The following PHF2 variants were observed in gnomAD, a reference collection of about 807,000 sequenced individuals.
PHF2 encodes the protein lysine-specific demethylase PHF2.
Under a neutral mutation model 120.5 loss-of-function variants are expected in PHF2, and 27 were observed. That is an observed-to-expected ratio of 0.22 (90% CI 0.17 to 0.31). The LOEUF is 0.31. PHF2 is among the 10% of genes least tolerant of loss of function. The pLI is 1.00. For missense variants in PHF2, 1,024 were observed against 1,434.8 expected (o/e 0.71, Z 4.63); for synonymous variants, 568 against 592.5 (o/e 0.96, Z 0.60).
chr9:93,625,145 C>T (rs77671970), intron 1 of PHF2, among the ~76,000 whole-genome samples: 8 of 152,228 alleles, frequency 5.3e-5, no homozygotes, highest in Non-Finnish European at 8.8e-5. Flanking sequence ...TCCTCCCACC[C>T]TCTGGCACCA....
At chr9:93,609,670 T>C (rs1168426346) in intron 1 of PHF2, among the ~76,000 whole-genome samples, 1 of 152,056 alleles carries the variant, frequency 6.6e-6, no homozygotes. Flanking sequence ...AGGTAAGGTG[T>C]TTTTAGCCCA....
chr9:93,598,671 G>A (rs1825377463), intron 1 of PHF2, among the ~76,000 whole-genome samples: 1 of 152,158 alleles, frequency 6.6e-6, no homozygotes, highest in African/African-American at 2.4e-5. Flanking sequence ...CTGAGGAGGG[G>A]CATCCACGGG....
chr9:93,581,992 A>G (rs1471365511), intron 1 of PHF2, among the ~76,000 whole-genome samples: 1 of 152,136 alleles, frequency 6.6e-6, no homozygotes, highest in African/African-American at 2.4e-5. Flanking sequence ...TAAATAACAG[A>G]TGGGCCTGAT....
chr9:93,599,534 G>A (rs1825397030), intron 1 of PHF2, among the ~76,000 whole-genome samples: 1 of 152,228 alleles, frequency 6.6e-6, no homozygotes, highest in Non-Finnish European at 1.5e-5. Context: ...TAGAAAACAA[G>A]CCAAAGAGCA....
chr9:93,624,331 T>C (rs1304432551), intron 1 of PHF2, among the ~76,000 whole-genome samples: 2 of 150,314 alleles, frequency 1.3e-5, no homozygotes, highest in Admixed American at 1.3e-4. Flanking sequence ...TGATGGTGAT[T>C]GAGATGATAA....
intron 1 of PHF2, among the ~76,000 whole-genome samples, chr9:93,602,134 G>GAA (rs1825451047): frequency 1.3e-5 from 2 of 151,852 alleles, no homozygotes; most frequent in Non-Finnish European, 2.9e-5. Context: ...TCCAGTTCAC[G>GAA]AGTTCTCTGA....
intron 1 of PHF2, among the ~76,000 whole-genome samples, chr9:93,594,655 G>T (rs1825297688): frequency 6.6e-6 from 1 of 152,200 alleles, no homozygotes; most frequent in Non-Finnish European, 1.5e-5. Flanking sequence ...ACTGCTCCCA[G>T]TGACAGCATG....
At chr9:93,621,339 C>T (rs1180588047) in intron 1 of PHF2, among the ~76,000 whole-genome samples, 1 of 152,232 alleles carries the variant, frequency 6.6e-6, no homozygotes, top group Non-Finnish European at 1.5e-5. Flanking sequence ...AGGACCCTTC[C>T]ACCATGACCA....
intron 4 of PHF2, among the ~76,000 whole-genome samples, chr9:93,646,145 TGCCTGATTAGGG>T (rs1287045753): frequency 1.3e-5 from 2 of 152,224 alleles, no homozygotes; most frequent in African/African-American, 4.8e-5. Context: ...CCATCCTGGC[TGCCTGATTAGGG>T]GCCTGGCCTT....
chr9:93,596,125 C>T (rs1378557940), intron 1 of PHF2, among the ~76,000 whole-genome samples: 1 of 152,192 alleles, frequency 6.6e-6, no homozygotes, highest in Non-Finnish European at 1.5e-5. Context: ...GCATATGAGG[C>T]AGGCCGCATG....
chr9:93,630,004 A>G lies in PHF2; in HGVS notation c.133A>G (p.Ile45Val). The G allele has an allele frequency of 6.2e-7, 1 of 1,614,006 alleles. No homozygotes were observed. Among genetic ancestry groups the G allele is most frequent in the South Asian group, 1.1e-5 (1 of 91,064 alleles). ...VGVEEEEAPDIDIYHCPNCEK... is the reference protein window; with the variant it reads ...VGVEEEEAPDVDIYHCPNCEK... ...GGTGGAAGAGGAGGAGGCGCCCGAC[A>G]TCGACATATACCACTGCCCAAACTG... The change falls in exon 2 of 22, where the codon ATC becomes GTC. Residue 45 changes from isoleucine (I) to valine (V), a missense_variant. Ile to Val is a conservative substitution (Grantham distance 29, BLOSUM62 3). Coordinates refer to ENST00000359246, the MANE Select transcript of PHF2 (RefSeq NM_005392.4).
At chr9:93,584,957 A>G (rs1452723815) in intron 1 of PHF2, among the ~76,000 whole-genome samples, 1 of 152,216 alleles carries the variant, frequency 6.6e-6, no homozygotes, top group African/African-American at 2.4e-5. Context: ...CGACTCAGTT[A>G]CATTTATTCC....
rs376638559 is a variant in PHF2 at position 93,655,925 on chromosome 9, C to T, written c.953-9C>T. 1.2e-6 allele frequency: 2 copies of T among 1,608,292 alleles called. No homozygotes were observed. The highest frequency in any genetic ancestry group is 1.7e-5 in the Admixed American group (1 of 59,798). ...GGTGGGGCACCAGCCACTCCTGTCT[C>T]TCTCCCAGGCTGGATCTACGCCACA... On this transcript the variant is annotated splice_polypyrimidine_tract_variant and intron_variant, in intron 7 of 21. Coordinates refer to ENST00000359246, the MANE Select transcript of PHF2 (RefSeq NM_005392.4).
chr9:93,660,219 G>A lies in PHF2; in HGVS notation c.1357G>A (p.Val453Met), dbSNP rs774568259. Reference protein sequence around the residue: ...ENASKAVRPEVNTVASSDEVC... With the variant: ...ENASKAVRPEMNTVASSDEVC... ...TGCCTCCAAAGCCGTCCGACCGGAA[G>A]TGAATACTGTCGCCTCGTCAGATGA... Residue 453 changes from valine (V) to methionine (M), a missense_variant, in exon 12 of 22, where the codon GTG (valine) becomes ATG (methionine). Val to Met is a conservative substitution (Grantham distance 21, BLOSUM62 1). Around this residue, in one of 2 missense-constraint regions of PHF2, gnomAD observed 677 missense variants for 857.4 expected, o/e 0.79. Transcript: ENST00000359246. The A allele has an allele frequency of 6.9e-6, 11 of 1,584,486 alleles. No homozygotes were observed. Among genetic ancestry groups the A allele is most frequent in the East Asian group, 4.5e-5 (2 of 44,630 alleles).
At chr9:93,669,219 A>G (rs1045154464) in intron 17 of PHF2, among the ~76,000 whole-genome samples, 2 of 152,194 alleles carry the variant, frequency 1.3e-5, no homozygotes, top group Non-Finnish European at 2.9e-5. Flanking sequence ...GGCTAAGTGC[A>G]GGCCCCCGCC....
At position 93,649,053 on chromosome 9, in the gene PHF2, C is replaced by T; in HGVS notation, c.461-18C>T. ...CCGCCTTCCCAGGGTGCTCAAGCTC[C>T]TCCCACCACCTCCCTAGGGCCGGAA... On this transcript the variant is annotated intron_variant, in intron 4 of 21. Transcript: ENST00000359246. 2 of 1,550,778 alleles carry T rather than the reference C, an allele frequency of 1.3e-6. No homozygotes were observed. Among genetic ancestry groups the T allele is most frequent in the Non-Finnish European group, 1.7e-6 (2 of 1,146,750 alleles).
chr9:93,642,801 CTG>C (rs1157477669), intron 3 of PHF2, among the ~76,000 whole-genome samples: 11 of 152,158 alleles, frequency 7.2e-5, no homozygotes, highest in Admixed American at 3.9e-4. Context: ...TCTGTATTCT[CTG>C]TATCATTTAA....
chr9:93,603,845 C>T (rs1417984693), intron 1 of PHF2, among the ~76,000 whole-genome samples: 1 of 152,228 alleles, frequency 6.6e-6, no homozygotes, highest in Non-Finnish European at 1.5e-5. Context: ...ATGGCATCCC[C>T]ATAGGGTTCT....
At chr9:93,614,618 A>G (rs2994368) in intron 1 of PHF2, among the ~76,000 whole-genome samples, 125,056 of 152,186 alleles carry the variant, frequency 0.82, 51,903 homozygotes, top group East Asian at 0.94. Flanking sequence ...TCCTGGAGGA[A>G]TGGACATAGC....
Sources: allele counts gnomAD v4.1 joint callset (sites outside exome capture counted in the v4.1 genomes callset), GRCh38; gene constraint gnomAD v4.1.1; regional missense constraint gnomAD v4.1.1; transcripts MANE v1.5; gene names NCBI Gene and HGNC (gene_info 2026-07-23, HGNC 2026-07-21).